CIMAP3: variants seen among roughly 807,000 people sequenced by gnomAD.
The protein encoded by CIMAP3 is ciliary microtubule associated protein 3.
chr1:111,329,970 T>G, the CIMAP3 span, among the ~76,000 whole-genome samples: 2 of 152,096 alleles, frequency 1.3e-5, no homozygotes, highest in Non-Finnish European at 2.9e-5. Flanking sequence ...TTCCTCAGCT[T>G]GGTTTATTCT....
the CIMAP3 span, among the ~76,000 whole-genome samples, chr1:111,343,274 A>T: frequency 6.6e-6 from 1 of 152,352 alleles, no homozygotes; most frequent in Non-Finnish European, 1.5e-5. Flanking sequence ...TTAAAACATT[A>T]TACAAAAAAT....
the CIMAP3 span, among the ~76,000 whole-genome samples, chr1:111,341,998 G>C: frequency 6.6e-6 from 1 of 151,466 alleles, no homozygotes; most frequent in African/African-American, 2.4e-5. Flanking sequence ...GCATGGGGTA[G>C]AATCTCATTC....
the CIMAP3 span, among the ~76,000 whole-genome samples, chr1:111,335,629 G>A: frequency 6.6e-6 from 1 of 152,234 alleles, no homozygotes; most frequent in Non-Finnish European, 1.5e-5. Flanking sequence ...AACTGCAAGG[G>A]GGCAGCGAGG....
chr1:111,340,594 T>A, the CIMAP3 span, among the ~76,000 whole-genome samples: 918 of 151,454 alleles, frequency 6.1e-3, 11 homozygotes, highest in African/African-American at 0.021. Flanking sequence ...CAGCCAAAAA[T>A]CACATGAAAA....
At chr1:111,333,388 G>A in the CIMAP3 span, among the ~76,000 whole-genome samples, 1 of 152,186 alleles carries the variant, frequency 6.6e-6, no homozygotes, top group Non-Finnish European at 1.5e-5. Flanking sequence ...AAGCACTCCA[G>A]AAGTACCTCT....
chr1:111,326,566 A>T, the CIMAP3 span, among the ~76,000 whole-genome samples: 1 of 152,068 alleles, frequency 6.6e-6, no homozygotes, highest in African/African-American at 2.4e-5. Flanking sequence ...ATATCTTTAC[A>T]ATTGTGAATA....
chr1:111,345,709 T>C, the CIMAP3 span, among the ~76,000 whole-genome samples: 1 of 152,258 alleles, frequency 6.6e-6, no homozygotes, highest in African/African-American at 2.4e-5. Flanking sequence ...CCAGTCACAC[T>C]GGGTGTTCTG....
the CIMAP3 span, chr1:111,346,525 G>T: frequency 5.5e-6 from 8 of 1,460,694 alleles, no homozygotes; most frequent in Non-Finnish European, 7.4e-6. Context: ...CTCGGTGGAC[G>T]CCCCAACTTG....
At chr1:111,324,815 C>T in the CIMAP3 span, 1 of 985,294 alleles carries the variant, frequency 1.0e-6, no homozygotes, top group Non-Finnish European at 1.2e-6. Flanking sequence ...ATGCTATCTT[C>T]TCTACCTGGG....
chr1:111,348,343 C>G, the CIMAP3 span: 1 of 588,632 alleles, frequency 1.7e-6, no homozygotes, highest in Non-Finnish European at 2.9e-6. Flanking sequence ...CTGAACCACA[C>G]CCGTATCTCG....
At chr1:111,324,696 C>T in the CIMAP3 span, 7 of 985,170 alleles carry the variant, frequency 7.1e-6, no homozygotes, top group Non-Finnish European at 8.4e-6. Context: ...TTAAAGTCCC[C>T]ATGTGAGAGT....
the CIMAP3 span, among the ~76,000 whole-genome samples, chr1:111,325,252 T>G: frequency 1.3e-5 from 2 of 152,180 alleles, no homozygotes; most frequent in Non-Finnish European, 2.9e-5. Flanking sequence ...ATGGCATCCT[T>G]AGGAGGAAAG....
At chr1:111,351,665 G>C in the CIMAP3 span, 2 of 188,374 alleles carry the variant, frequency 1.1e-5, no homozygotes, top group Admixed American at 5.7e-5. Context: ...ACTAGCCCTG[G>C]TCATAGGAGG....
At chr1:111,339,888 G>C in the CIMAP3 span, among the ~76,000 whole-genome samples, 1 of 151,618 alleles carries the variant, frequency 6.6e-6, no homozygotes, top group Non-Finnish European at 1.5e-5. Flanking sequence ...AAAAGAGCCC[G>C]CATCGCCAAG....
the CIMAP3 span, among the ~76,000 whole-genome samples, chr1:111,333,751 C>A: frequency 6.6e-6 from 1 of 152,180 alleles, no homozygotes; most frequent in South Asian, 2.1e-4. Context: ...TGTACTATAG[C>A]ACTCTGTCTG....
the CIMAP3 span, among the ~76,000 whole-genome samples, chr1:111,332,248 A>C: frequency 6.6e-6 from 1 of 152,110 alleles, no homozygotes; most frequent in Non-Finnish European, 1.5e-5. Context: ...GGTTGGTCTG[A>C]GGATGTGTCT....
At chr1:111,342,685 G>A in the CIMAP3 span, among the ~76,000 whole-genome samples, 1 of 152,202 alleles carries the variant, frequency 6.6e-6, no homozygotes. Flanking sequence ...GCACTGTGAT[G>A]CTTCCTGTGG....
chr1:111,350,151 C>T, the CIMAP3 span: 1 of 1,614,076 alleles, frequency 6.2e-7, no homozygotes, highest in Non-Finnish European at 8.5e-7. Context: ...CAAAAATTGC[C>T]TGGCCAATGA....
chr1:111,331,099 G>C, the CIMAP3 span, among the ~76,000 whole-genome samples: 1 of 152,148 alleles, frequency 6.6e-6, no homozygotes, highest in Admixed American at 6.5e-5. Context: ...ACATTCCTTT[G>C]TGTGTGACTT....
Sources: allele counts gnomAD v4.1 joint callset (sites outside exome capture counted in the v4.1 genomes callset), GRCh38; gene constraint gnomAD v4.1.1; transcripts MANE v1.5; gene names NCBI Gene and HGNC (gene_info 2026-07-23, HGNC 2026-07-21).